Variants in PDE2A observed in about 807,000 individuals in gnomAD.
The protein encoded by PDE2A is phosphodiesterase 2A, also known as cGMP-dependent 3',5'-cyclic phosphodiesterase.
PDE2A carries 53 observed loss-of-function variants against 133.6 expected under a neutral mutation model. That is an observed-to-expected ratio of 0.40 (90% CI 0.32 to 0.50). The LOEUF is 0.50. Among genes scored for constraint, PDE2A ranks in the 20% least tolerant of loss-of-function variants. The pLI is 0.73. For synonymous variants in PDE2A, 491 were observed against 490.2 expected, an observed-to-expected ratio of 1.00 and a Z score of -0.02; for missense variants, 796 against 1,232.4, an observed-to-expected ratio of 0.65 and a Z score of 5.30.
chr11:72,665,921 A>C (rs1346269989), intron 1 of PDE2A, among the ~76,000 whole-genome samples: 4 of 148,066 alleles, frequency 2.7e-5, no homozygotes, highest in South Asian at 2.2e-4. Context: ...CAAAAAAAAA[A>C]CACGAAAAAA....
In PDE2A at chr11:72,577,194, T is replaced by A. The variant is rs1855506367; in HGVS notation, c.*190A>T. 1.7e-6 allele frequency: 1 copy of A among 582,086 alleles called. No individual in the cohort carries two copies. The highest frequency in any genetic ancestry group is 2.8e-5 in the East Asian group (1 of 35,896). 36.1% of individuals were successfully genotyped at this position (582,086 alleles called of 1,614,324 possible). A position where few individuals can be genotyped will look rare whatever the true frequency, so the allele number is the denominator to read the frequency against. ...CAGAAAACAAATTACAAAGTCTCCG[T>A]GAGGTTGGAAGTCTTGCTTCCATTA... On this transcript the variant is annotated 3_prime_UTR_variant, in exon 31 of 31. Coordinates refer to ENST00000334456, the MANE Select transcript of PDE2A (RefSeq NM_002599.5).
rs754760815 is a variant in PDE2A at position 72,577,419 on chromosome 11, G to A, written c.2791C>T (p.Pro931Ser). The A allele has an allele frequency of 2.5e-6, 4 of 1,613,754 alleles. No homozygotes were observed. The African/African-American group carries it at 4.0e-5, about 16-fold the overall frequency. Reference sequence around the variant, plus strand: ...TCAAGGCTGCAGCAGCCATTGATGGGGGCCCTAGTGCCATCCAGATCAGGC... The same window carrying A: ...TCAAGGCTGCAGCAGCCATTGATGGAGGCCCTAGTGCCATCCAGATCAGGC... ...EVPDLDGTRAPINGCCSLDAE is the reference protein window; with the variant it reads ...EVPDLDGTRASINGCCSLDAE Residue 931 changes from proline to serine, a missense_variant, in exon 31 of 31, where the codon CCC (proline) becomes TCC (serine). Pro to Ser is a moderately conservative substitution (Grantham distance 74, BLOSUM62 -1). This residue lies in a region of PDE2A where 83 missense variants were observed against 99.0 expected (regional missense o/e 0.84). Transcript: ENST00000334456.
chr11:72,613,865 T>A (rs1857336125), intron 2 of PDE2A, among the ~76,000 whole-genome samples: 1 of 152,116 alleles, frequency 6.6e-6, no homozygotes, highest in Admixed American at 6.5e-5. Flanking sequence ...ATACACAGCC[T>A]CTTATCTTCC....
rs1855266780 is a variant in PDE2A, at chr11:72,667,396, C to T, written c.71+6741G>A. Among the ~76,000 whole-genome samples the T allele has an allele frequency of 2.0e-5, 3 of 152,168 alleles. No individual in the cohort carries two copies. In the South Asian group the frequency reaches 6.2e-4, roughly 32 times the overall value. ...CCCAGAACCATGAGGAGAAAATTTC[C>T]TCTGGCTTAACTCAGTATGTCTGTC... On this transcript the variant is annotated intron_variant, in intron 1 of 30. Coordinates refer to ENST00000334456, the MANE Select transcript of PDE2A (RefSeq NM_002599.5).
At chr11:72,611,462 A>G (rs779576671) in intron 2 of PDE2A, among the ~76,000 whole-genome samples, 35 of 152,100 alleles carry the variant, frequency 2.3e-4, no homozygotes, top group Non-Finnish European at 4.3e-4. Context: ...CTTTGCTTCA[A>G]TTGGGGAATG....
At chr11:72,664,145 C>T (rs1855157728) in intron 1 of PDE2A, among the ~76,000 whole-genome samples, 1 of 152,154 alleles carries the variant, frequency 6.6e-6, no homozygotes, top group Admixed American at 6.5e-5. Flanking sequence ...AGCCCCATCT[C>T]CAGGGCTCTG....
rs1053171545 is a variant in PDE2A at position 72,590,010 on chromosome 11, G to C, written c.757-29C>G. ...AGAGAGGGACAGGCAGGGCGAGGGG[G>C]TGACCGCGGATCCGGGTCACCCCAC... is the stretch of plus-strand genomic sequence containing the variant. On this transcript the variant is annotated intron_variant, in intron 9 of 30. Transcript: ENST00000334456. The surrounding 1 kb of genome is among the most constrained non-coding windows in gnomAD (Gnocchi z 4.8). 6.3e-7 allele frequency: 1 copy of C among 1,591,866 alleles called. No individual in the cohort carries two copies. The highest frequency in any genetic ancestry group is 2.3e-5 in the East Asian group (1 of 44,238).
intron 2 of PDE2A, among the ~76,000 whole-genome samples, chr11:72,622,263 G>A (rs899069396): frequency 1.3e-5 from 2 of 152,182 alleles, no homozygotes; most frequent in Non-Finnish European, 2.9e-5. Context: ...CACTGTCCGT[G>A]GGAATGTAAA....
intron 1 of PDE2A, among the ~76,000 whole-genome samples, chr11:72,653,454 T>C (rs1183968635): frequency 6.6e-6 from 1 of 152,050 alleles, no homozygotes; most frequent in Non-Finnish European, 1.5e-5. Context: ...GGGGTCCTGA[T>C]TCCCAGCGAG....
At chr11:72,641,113 G>C (rs1304010254) in intron 2 of PDE2A, among the ~76,000 whole-genome samples, 2 of 152,122 alleles carry the variant, frequency 1.3e-5, no homozygotes, top group African/African-American at 4.8e-5. Context: ...CCCACCGCAG[G>C]TTGACACCAG....
Position 72,591,319 on chromosome 11 carries a change from C to G in PDE2A, c.527G>C (p.Ser176Thr). 7 of 1,613,986 alleles carry G rather than the reference C, an allele frequency of 4.3e-6. No homozygotes were observed. The highest frequency in any genetic ancestry group is 8.5e-7 in the Non-Finnish European group (1 of 1,179,848). The change falls in exon 7 of 31, where the codon AGC becomes ACC. Residue 176 changes from serine (S) to threonine (T), a missense_variant. Physicochemically the swap from Ser to Thr is moderately conservative, Grantham distance 58. Transcript: ENST00000334456. Reference protein sequence around the residue: ...CGQLSDNEEWSLQAVEKHTLV... With the variant: ...CGQLSDNEEWTLQAVEKHTLV... ...CACATGCTTCTCCACCGCCTGCAGG[C>G]TCCATTCCTCATTATCACTCAGCTG...
chr11:72,649,953 A>G (rs544966953), intron 1 of PDE2A, among the ~76,000 whole-genome samples: 8 of 151,860 alleles, frequency 5.3e-5, no homozygotes, highest in Admixed American at 2.6e-4. Flanking sequence ...CCCCAGGGAC[A>G]GAAGACTCCC....
intron 11 of PDE2A, 74 bp downstream of exon 11, chr11:72,589,677 G>T: frequency 7.9e-7 from 1 of 1,261,386 alleles, no homozygotes; most frequent in Non-Finnish European, 1.2e-6. Flanking sequence ...AATACTCCAG[G>T]CAGATCCCAG....
At chr11:72,587,945 G>GC (rs752994134) in intron 13 of PDE2A, 3 of 152,258 alleles carry the variant, frequency 2.0e-5, no homozygotes, top group Non-Finnish European at 4.4e-5. Context: ...TCCACCTCCT[G>GC]CAGGAGCTCC....
At chr11:72,586,330 C>A in intron 13 of PDE2A, 149 bp from the exon 14 acceptor site, 1 of 626,248 alleles carries the variant, frequency 1.6e-6, no homozygotes, top group South Asian at 1.9e-5. Flanking sequence ...GCTTCCCACC[C>A]CCATGACCCT....
At chr11:72,669,164 T>C in intron 1 of PDE2A, 1 of 158,136 alleles carries the variant, frequency 6.3e-6, no homozygotes, top group Middle Eastern at 1.1e-3. Context: ...AGCTACAGAG[T>C]AACAGTACAT....
In PDE2A at chr11:72,582,492, T is replaced by C. The variant is rs1308280618; in HGVS notation, c.1803A>G (p.Ala601=). 1.2e-6 allele frequency: 2 copies of C among 1,613,860 alleles called. No homozygotes were observed. Among genetic ancestry groups the C allele is most frequent in the African/African-American group, 1.3e-5 (1 of 74,894 alleles). Residue 601 remains alanine (A), a synonymous_variant, in exon 21 of 31, where the codon GCA becomes GCG. Transcript: ENST00000334456. The part of the protein sequence containing the change: ...QPVAAIDSNF[A]SFTYTPRSLP... ...GGGAACGAGGGGTATAGGTGAAACTTGCAAAATTGGAGTCAATGGCAGCCA... is the reference window on the plus strand; with the variant it reads ...GGGAACGAGGGGTATAGGTGAAACTCGCAAAATTGGAGTCAATGGCAGCCA...
chr11:72,634,099 G>A lies in PDE2A; in HGVS notation c.144+8155C>T, dbSNP rs544716206. On this transcript the variant is annotated intron_variant, in intron 2 of 30. Coordinates refer to ENST00000334456, the MANE Select transcript of PDE2A (RefSeq NM_002599.5). ...GGAGAGAGGCTTAAACCCAGAGAGC[G>A]CCAGAGACGAGACCTCACGGGGATG... Among the ~76,000 whole-genome samples, 16 of 152,284 alleles carry A rather than the reference G, an allele frequency of 1.1e-4. No individual in the cohort carries two copies. The East Asian group carries it at 1.5e-3, about 15-fold the overall frequency.
At chr11:72,615,898 G>A (rs987206300) in intron 2 of PDE2A, among the ~76,000 whole-genome samples, 3 of 152,192 alleles carry the variant, frequency 2.0e-5, no homozygotes, top group African/African-American at 7.2e-5. Flanking sequence ...AGTCCCCAAG[G>A]GTGTGCAAGC....
Sources: allele counts gnomAD v4.1 joint callset (sites outside exome capture counted in the v4.1 genomes callset), GRCh38; gene constraint gnomAD v4.1.1; regional missense constraint gnomAD v4.1.1; non-coding constraint Gnocchi (gnomAD v3.1); transcripts MANE v1.5; gene names NCBI Gene and HGNC (gene_info 2026-07-23, HGNC 2026-07-21).